The following AQP5 variants were observed in gnomAD, a reference collection of about 807,000 sequenced individuals.
AQP5 encodes aquaporin-5.
AQP5 carries 15 observed loss-of-function variants against 19.1 expected under a neutral mutation model. The observed-to-expected ratio is 0.79, with a 90% confidence interval of 0.53 to 1.21. AQP5 has a LOEUF of 1.21. AQP5 is among the 50% of genes most tolerant of loss of function. The pLI is 0.00. For synonymous variants in AQP5, 182 were observed against 160.3 expected, an observed-to-expected ratio of 1.14 and a Z score of -1.02; for missense variants, 355 against 357.1, an observed-to-expected ratio of 0.99 and a Z score of 0.05.
At chr12:49,964,903 G>A in intron 3 of AQP5, 89 bp from the exon 4 acceptor site, 2 of 1,518,264 alleles carry the variant, frequency 1.3e-6, no homozygotes, top group Middle Eastern at 1.8e-4. Context: ...TCCTCTCAGG[G>A]TCCGTGGGTC....
intron 3 of AQP5, 31 bp downstream of exon 3, chr12:49,964,206 A>G: frequency 6.2e-7 from 1 of 1,601,474 alleles, no homozygotes; most frequent in Non-Finnish European, 8.6e-7. Context: ...GGCTCCCTGG[A>G]GATGAGGGCC....
In AQP5 at chr12:49,965,434, C is replaced by A; in HGVS notation, c.*257C>A. 2.8e-6 allele frequency: 1 copy of A among 358,782 alleles called. No individual in the cohort carries two copies. Among genetic ancestry groups the A allele is most frequent in the Non-Finnish European group, 5.0e-6 (1 of 201,080 alleles). 22.2% of individuals were successfully genotyped at this position (358,782 alleles called of 1,614,324 possible). On this transcript the variant is annotated 3_prime_UTR_variant, in exon 4 of 4. Transcript: ENST00000293599. ...GAGATTGTGAATGCAGTGCCAAGCT[C>A]ACAGGCTGCAAGGGCCAGGCCAGAA...
In AQP5 at chr12:49,965,220, G is replaced by C. The variant is rs567322069; in HGVS notation, c.*43G>C. ...CCAGCCCCTCAGCCCCTGAGCCAAG[G>C]GGGAAAAGAAGAAAAAGTACCTAAC... On this transcript the variant is annotated 3_prime_UTR_variant, in exon 4 of 4. Coordinates refer to ENST00000293599, the MANE Select transcript of AQP5 (RefSeq NM_001651.4). The C allele has an allele frequency of 2.0e-6, 3 of 1,526,754 alleles. No individual in the cohort carries two copies. In the Middle Eastern group the frequency reaches 5.6e-4, roughly 284 times the overall value. The allele number at this position is 1,526,754 out of a possible 1,614,324, so 94.6% of individuals were successfully genotyped here.
At chr12:49,963,224 G>C (rs1947448857) in intron 1 of AQP5, among the ~76,000 whole-genome samples, 1 of 152,232 alleles carries the variant, frequency 6.6e-6, no homozygotes, top group South Asian at 2.1e-4. Flanking sequence ...GGGGCTGGGG[G>C]TTGGGCAGAG....
intron 2 of AQP5, 148 bp downstream of exon 2, chr12:49,963,804 G>A: frequency 5.0e-6 from 6 of 1,192,846 alleles, no homozygotes; most frequent in Non-Finnish European, 6.8e-6. Flanking sequence ...GGCCCTACTG[G>A]GCCCCAGAAT....
rs778740007 is a variant in AQP5 at position 49,964,962 on chromosome 12, G to C, written c.613-30G>C. 3 of 1,597,902 alleles carry C rather than the reference G, an allele frequency of 1.9e-6. No homozygotes were observed. In the South Asian group the frequency reaches 3.4e-5, roughly 18 times the overall value. ...TGTGGTCTTCAAGGTCTGGGGCTCA[G>C]CGCCCTGACTCCTGCCCTGTCTCCA... On this transcript the variant is annotated intron_variant, in intron 3 of 3. Transcript: ENST00000293599.
At chr12:49,964,812 G>A in intron 3 of AQP5, 180 bp from the exon 4 acceptor site, 1 of 985,360 alleles carries the variant, frequency 1.0e-6, no homozygotes, top group Non-Finnish European at 1.2e-6. Context: ...CTCTGTCCCT[G>A]GGAGTGGTGT....
At chr12:49,963,263 C>T (rs144711987) in intron 1 of AQP5, among the ~76,000 whole-genome samples, 2 of 152,354 alleles carry the variant, frequency 1.3e-5, no homozygotes, top group East Asian at 3.9e-4. Context: ...CCAGGAAAAG[C>T]TACCCTGACG....
rs1366139253 is a variant in AQP5, at chr12:49,963,591, ACCAGCCCTGTGGGCTCC to A, written c.474_490del (p.Gly159HisfsTer70). ...CTTCGCCTCCACTGACTCCCGCCGC[ACCAGCCCTGTGGGCTCC>A]CCAGCCCTGTCCATTGGCCTGTCTG... On this transcript the variant is annotated frameshift_variant, in exon 2 of 4. Coordinates refer to ENST00000293599, the MANE Select transcript of AQP5 (RefSeq NM_001651.4). LOFTEE classifies it high-confidence loss of function. 6.2e-6 allele frequency: 10 copies of A among 1,613,690 alleles called. No individual in the cohort carries two copies. Among genetic ancestry groups the A allele is most frequent in the Non-Finnish European group, 8.5e-6 (10 of 1,180,018 alleles).
chr12:49,964,870 G>T (rs1190659284), intron 3 of AQP5, 122 bp from the exon 4 acceptor site: 14 of 1,485,586 alleles, frequency 9.4e-6, no homozygotes, highest in Non-Finnish European at 1.2e-5. Context: ...CTCCCTGAAG[G>T]TCTGGAAGTC....
intron 3 of AQP5, chr12:49,964,597 C>G (rs1267036908): frequency 1.0e-6 from 1 of 971,190 alleles, no homozygotes; most frequent in South Asian, 4.8e-5. Context: ...TCTGCCCCCC[C>G]TTTGGAAGCT....
chr12:49,962,495 A>ACCAGGAAGGCAAGAGCCTCCCAAGG lies in AQP5; in HGVS notation c.363+128_363+152dup, dbSNP rs1404849554. ...CAGAGTGGGCCAGCCCACACCCTTC[A>ACCAGGAAGGCAAGAGCCTCCCAAGG]CCAGGAAGGCAAGAGCCTCCCAAGG... On this transcript the variant is annotated intron_variant, in intron 1 of 3. Transcript: ENST00000293599. 1.2e-4 allele frequency: 125 copies of ACCAGGAAGGCAAGAGCCTCCCAAGG among 1,014,628 alleles called. 10 individuals carry two copies. Among genetic ancestry groups the ACCAGGAAGGCAAGAGCCTCCCAAGG allele is most frequent in the Admixed American group, 3.7e-4 (10 of 27,024 alleles). 62.9% of individuals were successfully genotyped at this position (1,014,628 alleles called of 1,614,324 possible).
At chr12:49,963,146 C>T (rs1283933516) in intron 1 of AQP5, among the ~76,000 whole-genome samples, 2 of 152,182 alleles carry the variant, frequency 1.3e-5, no homozygotes, top group Non-Finnish European at 2.9e-5. Flanking sequence ...GGCAGGAGGC[C>T]GGGATGGGGT....
At chr12:49,964,386 G>C (rs1320884755) in intron 3 of AQP5, among the ~76,000 whole-genome samples, 1 of 152,138 alleles carries the variant, frequency 6.6e-6, no homozygotes, top group Non-Finnish European at 1.5e-5. Flanking sequence ...CTGGGGACAG[G>C]GAGTCTGAGT....
intron 1 of AQP5, 75 bp from the exon 2 acceptor site, chr12:49,963,417 A>T: frequency 6.4e-7 from 1 of 1,567,040 alleles, no homozygotes; most frequent in South Asian, 1.2e-5. Context: ...CCTGGAGGCC[A>T]AAAGCCCTAC....
chr12:49,964,311 A>G (rs527811862), intron 3 of AQP5, 136 bp downstream of exon 3: 32 of 930,578 alleles, frequency 3.4e-5, no homozygotes, highest in Admixed American at 1.7e-4. Context: ...CTGACAGAGA[A>G]AGGGACACAG....
intron 1 of AQP5, 117 bp downstream of exon 1, chr12:49,962,497 C>CAGGAAGGCAAGAGCCTCCCAAGGCT (rs1947439913): frequency 2.8e-6 from 4 of 1,429,880 alleles, no homozygotes; most frequent in Non-Finnish European, 2.7e-6. Context: ...CACCCTTCAC[C>CAGGAAGGCAAGAGCCTCCCAAGGCT]AGGAAGGCAA....
At chr12:49,964,732 G>A in intron 3 of AQP5, 2 of 985,394 alleles carry the variant, frequency 2.0e-6, no homozygotes, top group Non-Finnish European at 2.4e-6. Context: ...TTCCGGTGTG[G>A]TTGGAGGGAG....
intron 3 of AQP5, among the ~76,000 whole-genome samples, chr12:49,964,444 G>A (rs1947465282): frequency 6.6e-6 from 1 of 152,134 alleles, no homozygotes; most frequent in African/African-American, 2.4e-5. Context: ...AGGTGCAGAG[G>A]GGCTCTGTGT....
Sources: gnomAD v4.1 joint callset for allele counts (sites outside exome capture counted in the v4.1 genomes callset) on GRCh38, gnomAD v4.1.1 for gene constraint, MANE v1.5 for transcripts, NCBI Gene and HGNC (gene_info 2026-07-23, HGNC 2026-07-21) for gene names.